NRXN3: variants seen among roughly 807,000 people sequenced by gnomAD.
NRXN3 encodes neurexin 3.
Under a neutral mutation model 137.6 loss-of-function variants are expected in NRXN3, and 32 were observed. That is an observed-to-expected ratio of 0.23 (90% CI 0.18 to 0.31). The LOEUF (loss-of-function observed/expected upper bound fraction) is 0.31, where lower values mean the gene tolerates loss of function less well. NRXN3 is among the 10% of genes least tolerant of loss of function. The pLI, the probability that NRXN3 is intolerant of heterozygous loss-of-function variation, is 1.00. For synonymous variants in NRXN3, 798 were observed against 784.5 expected, an observed-to-expected ratio of 1.02 and a Z score of -0.29; for missense variants, 1,574 against 2,062.5, an observed-to-expected ratio of 0.76 and a Z score of 4.59.
chr14:79,002,748 T>C (rs780262634), intron 15 of NRXN3, among the ~76,000 whole-genome samples: 2 of 152,156 alleles, frequency 1.3e-5, no homozygotes, highest in Non-Finnish European at 2.9e-5. Context: ...GTGGGATTGC[T>C]GGGTCAAACG....
intron 15 of NRXN3, among the ~76,000 whole-genome samples, chr14:79,122,173 G>C (rs1039061365): frequency 2.0e-5 from 3 of 152,194 alleles, no homozygotes; most frequent in Admixed American, 2.0e-4. Flanking sequence ...GAAGCAGAAA[G>C]AAAATTCCTC....
intron 15 of NRXN3, among the ~76,000 whole-genome samples, chr14:79,046,010 GATT>G (rs1266057735): frequency 1.3e-5 from 2 of 152,154 alleles, no homozygotes; most frequent in African/African-American, 4.8e-5. Flanking sequence ...ACCCTGATGT[GATT>G]GTATGAATGT....
At chr14:79,523,833 G>A (rs2097093677) in intron 16 of NRXN3, among the ~76,000 whole-genome samples, 1 of 152,144 alleles carries the variant, frequency 6.6e-6, no homozygotes, top group Admixed American at 6.5e-5. Context: ...GGCATTTCCT[G>A]GGCTTAGGAA....
chr14:78,204,744 T>C (rs1285740709), intron 1 of NRXN3, among the ~76,000 whole-genome samples: 1 of 152,240 alleles, frequency 6.6e-6, no homozygotes, highest in Non-Finnish European at 1.5e-5. Flanking sequence ...CAAAAATTTC[T>C]AGCAGGCACA....
chr14:78,423,130 C>A (rs888073316), intron 4 of NRXN3, among the ~76,000 whole-genome samples: 1 of 152,008 alleles, frequency 6.6e-6, no homozygotes, highest in African/African-American at 2.4e-5. Context: ...TTAGCATTTC[C>A]AACTGGAAAT....
intron 16 of NRXN3, among the ~76,000 whole-genome samples, chr14:79,510,599 G>A (rs893118591): frequency 2.0e-5 from 3 of 152,132 alleles, no homozygotes; most frequent in Non-Finnish European, 2.9e-5. Flanking sequence ...AGAAATAAAC[G>A]AAGTGATTTT....
chr14:78,967,467 C>T, intron 13 of NRXN3, 69 bp downstream of exon 13: 1 of 1,139,966 alleles, frequency 8.8e-7, no homozygotes, highest in Admixed American at 2.1e-5. Flanking sequence ...TTTCCAGAGG[C>T]AAACCACAGG....
At chr14:79,601,976 CT>C in intron 16 of NRXN3, among the ~76,000 whole-genome samples, 1 of 151,520 alleles carries the variant, frequency 6.6e-6, no homozygotes, top group Non-Finnish European at 1.5e-5. Context: ...ATGAATTTAT[CT>C]TCTTTTGAAA....
chr14:78,443,109 A>T (rs1184900536), intron 4 of NRXN3, among the ~76,000 whole-genome samples: 1 of 152,192 alleles, frequency 6.6e-6, no homozygotes, highest in African/African-American at 2.4e-5. Context: ...TGATTATGAG[A>T]CCCAGTAGGT....
intron 4 of NRXN3, among the ~76,000 whole-genome samples, chr14:78,313,956 A>C (rs190023224): frequency 1.3e-5 from 2 of 152,294 alleles, no homozygotes; most frequent in East Asian, 3.9e-4. Context: ...ACAAGTATTG[A>C]GCACAAGGGA....
chr14:78,483,769 G>T (rs1401150321), intron 4 of NRXN3, among the ~76,000 whole-genome samples: 1 of 152,122 alleles, frequency 6.6e-6, no homozygotes, highest in Non-Finnish European at 1.5e-5. Flanking sequence ...TTTTTAAAAA[G>T]ACCCTAGAGT....
intron 8 of NRXN3, among the ~76,000 whole-genome samples, chr14:78,735,442 A>G (rs555309848): frequency 1.3e-5 from 2 of 152,300 alleles, no homozygotes; most frequent in East Asian, 3.9e-4. Flanking sequence ...TCTTGCTGTC[A>G]CCAGCTGATT....
chr14:79,773,799 T>TAAATAAAAATAAA (rs548080514), intron 19 of NRXN3, among the ~76,000 whole-genome samples: 1 of 106,610 alleles, frequency 9.4e-6, no homozygotes, highest in Non-Finnish European at 2.1e-5. Flanking sequence ...AAAATAAAAA[T>TAAATAAAAATAAA]AAATAAAAAT....
chr14:78,475,005 G>T (rs1245606974), intron 4 of NRXN3, among the ~76,000 whole-genome samples: 1 of 152,118 alleles, frequency 6.6e-6, no homozygotes, highest in Non-Finnish European at 1.5e-5. Flanking sequence ...AGTGATCTGG[G>T]ACCACACTTT....
chr14:78,619,786 T>C (rs2152496435), intron 4 of NRXN3, among the ~76,000 whole-genome samples: 1 of 152,256 alleles, frequency 6.6e-6, no homozygotes, highest in African/African-American at 2.4e-5. Context: ...TAAACCTCTT[T>C]CCTTTATAAA....
chr14:78,614,834 G>A, intron 4 of NRXN3: 1 of 383,882 alleles, frequency 2.6e-6, no homozygotes, highest in Non-Finnish European at 5.2e-6. Flanking sequence ...AACTCTTGTG[G>A]GCCCTTATGA....
intron 4 of NRXN3, among the ~76,000 whole-genome samples, chr14:78,311,938 A>C (rs764122417): frequency 6.6e-6 from 1 of 152,170 alleles, no homozygotes; most frequent in Non-Finnish European, 1.5e-5. Flanking sequence ...GATTTTGTGG[A>C]TGACAGAACA....
chr14:79,186,364 A>G (rs899086233), intron 15 of NRXN3, among the ~76,000 whole-genome samples: 1 of 152,108 alleles, frequency 6.6e-6, no homozygotes, highest in Non-Finnish European at 1.5e-5. Flanking sequence ...ATAAATATGT[A>G]TTGTGTATAT....
At chr14:79,590,908 C>T (rs530649918) in intron 16 of NRXN3, among the ~76,000 whole-genome samples, 1 of 152,286 alleles carries the variant, frequency 6.6e-6, no homozygotes, top group Admixed American at 6.5e-5. Context: ...ACTATGCTGT[C>T]TCTCAAGCCC....
Sources: gnomAD v4.1 joint callset for allele counts (sites outside exome capture counted in the v4.1 genomes callset) on GRCh38, gnomAD v4.1.1 for gene constraint, MANE v1.5 for transcripts, NCBI Gene and HGNC (gene_info 2026-07-23, HGNC 2026-07-21) for gene names.